PLCH2: variants seen among roughly 807,000 people sequenced by gnomAD.
PLCH2 encodes phospholipase C eta 2, also known as 1-phosphatidylinositol 4,5-bisphosphate phosphodiesterase eta-2.
A neutral mutation model predicts 134.7 loss-of-function variants in PLCH2; 98 were observed. The observed-to-expected ratio is 0.73, with a 90% CI of 0.62 to 0.86. The LOEUF is 0.86. Among genes scored for constraint, PLCH2 ranks in the 40% least tolerant of loss-of-function variants. PLCH2 has a pLI of 0.00. For missense variants in PLCH2, 1,994 were observed against 1,986.6 expected, an observed-to-expected ratio of 1.00 and a Z score of -0.07; for synonymous variants, 974 against 827.5, an observed-to-expected ratio of 1.18 and a Z score of -3.04.
chr1:2,499,160 C>T lies in PLCH2; in HGVS notation c.2511C>T (p.Val837=). The change falls in exon 19 of 22, where the codon GTC becomes GTT. Residue 837 remains valine, a synonymous_variant. Transcript: ENST00000378486. Reference sequence around the variant, plus strand: ...AGATCGCGCTGGTCCGCTTCCTCGTCTGGGACCACGATCCCATCGGGCGTG... The same window carrying T: ...AGATCGCGCTGGTCCGCTTCCTCGTTTGGGACCACGATCCCATCGGGCGTG... ...MPEIALVRFL[V]WDHDPIGRDF... is the part of the protein sequence containing the mutation. 6.2e-7 allele frequency: 1 copy of T among 1,613,182 alleles called. No homozygotes were observed. The highest frequency in any genetic ancestry group is 8.5e-7 in the Non-Finnish European group (1 of 1,179,762).
intron 2 of PLCH2, among the ~76,000 whole-genome samples, chr1:2,432,121 C>T (rs140901307): frequency 1.8e-3 from 277 of 152,314 alleles, no homozygotes; most frequent in Middle Eastern, 0.017. Context: ...CTGGGACTCA[C>T]GGCCATGGCT....
At position 2,436,658 on chromosome 1, in the gene PLCH2, G is replaced by C. The variant is rs551980950; in HGVS notation, c.115+6029G>C. Among the ~76,000 whole-genome samples the C allele has an allele frequency of 2.0e-5, 3 of 152,294 alleles. No homozygotes were observed. In the South Asian group the frequency reaches 6.2e-4, roughly 32 times the overall value. ...CCGTCACCTGTGGCTCTGTCTCCTGGGAGGCCTGGAGAGGCAGGGGTGGGT... is the reference window on the plus strand; with the variant it reads ...CCGTCACCTGTGGCTCTGTCTCCTGCGAGGCCTGGAGAGGCAGGGGTGGGT... On this transcript the variant is annotated intron_variant, in intron 2 of 3. Coordinates refer to the PLCH2 transcript ENST00000609981.
chr1:2,420,776 T>C, the PLCH2 span, among the ~76,000 whole-genome samples: 3 of 152,162 alleles, frequency 2.0e-5, no homozygotes, highest in Non-Finnish European at 4.4e-5. Context: ...GAGTGAGTGA[T>C]CGATCGATTC....
At chr1:2,501,191 A>AG (rs1300602609) in intron 20 of PLCH2, 2 of 151,882 alleles carry the variant, frequency 1.3e-5, no homozygotes, top group Non-Finnish European at 1.5e-5. Flanking sequence ...GCGCCCCTGC[A>AG]GGGGGGTGAC....
At chr1:2,489,991 A>T in intron 10 of PLCH2, 124 bp downstream of exon 10, 1 of 737,832 alleles carries the variant, frequency 1.4e-6, no homozygotes, top group South Asian at 1.6e-5. Context: ...ATTGGGGCAG[A>T]TTCGCACAGC....
rs1472765316 is a variant in PLCH2 at position 2,497,547 on chromosome 1, G to A, written c.2162G>A (p.Arg721Gln). 5.1e-6 allele frequency: 8 copies of A among 1,563,110 alleles called. No individual in the cohort carries two copies. The highest frequency in any genetic ancestry group is 6.9e-6 in the Non-Finnish European group (8 of 1,154,298). The change falls in exon 16 of 22, where the codon CGA becomes CAA. Residue 721 changes from arginine (R) to glutamine (Q), a missense_variant. Arg to Gln is a conservative substitution (Grantham distance 43). Coordinates refer to ENST00000378486, the MANE Select transcript of PLCH2 (RefSeq NM_014638.4). The stretch of plus-strand genomic sequence containing the variant: ...GAGGGGCGGATGCTGCAGCTGAACC[G>A]AGCCAAGTTCAGCGCCAACGGTGGC... ...QSEGRMLQLN[R>Q]AKFSANGGCG... is the part of the protein sequence containing the mutation.
In PLCH2 at chr1:2,495,392, G is replaced by T. The variant is rs1642826957; in HGVS notation, c.1753-96G>T. On this transcript the variant is annotated intron_variant, in intron 12 of 21. Transcript: ENST00000378486. ...ATGGGAGGCTGCGTGGGCCGCTGGG[G>T]ACCCCGGAGGATAGGCCCTCCCCAA... is the stretch of plus-strand genomic sequence containing the variant. The T allele has an allele frequency of 2.9e-6, 3 of 1,026,150 alleles. No individual in the cohort carries two copies. In the South Asian group the frequency reaches 4.5e-5, roughly 15 times the overall value. 63.6% of individuals were successfully genotyped at this position (1,026,150 alleles called of 1,614,324 possible). A position where few individuals can be genotyped will look rare whatever the true frequency, so the allele number is the denominator to read the frequency against.
intron 9 of PLCH2, 140 bp from the exon 10 acceptor site, chr1:2,489,620 C>A: frequency 1.3e-6 from 1 of 762,644 alleles, no homozygotes; most frequent in South Asian, 1.7e-5. Flanking sequence ...GCCAGTCTGG[C>A]CCCTGCCCCA....
chr1:2,494,180 A>C (rs556610534), intron 11 of PLCH2, among the ~76,000 whole-genome samples: 58 of 152,274 alleles, frequency 3.8e-4, no homozygotes, highest in African/African-American at 1.3e-3. Context: ...GAGGGGCTGC[A>C]GGGGTCAGGT....
At chr1:2,502,639 G>C in intron 21 of PLCH2, 1 of 679,724 alleles carries the variant, frequency 1.5e-6, no homozygotes, top group Middle Eastern at 2.5e-4. Context: ...CTGACTCACT[G>C]GGGGCCCCCT....
chr1:2,490,721 C>T (rs1181633313), intron 10 of PLCH2, among the ~76,000 whole-genome samples: 1 of 152,254 alleles, frequency 6.6e-6, no homozygotes, highest in Non-Finnish European at 1.5e-5. Context: ...TGGCTTTGTG[C>T]CCACTCCAAC....
chr1:2,422,140 G>C (rs1480821926), upstream of PLCH2, among the ~76,000 whole-genome samples: 1 of 151,860 alleles, frequency 6.6e-6, no homozygotes, highest in Admixed American at 6.6e-5. Flanking sequence ...ATGGTGGCAG[G>C]TGCCTGTAAT....
intron 1 of PLCH2, among the ~76,000 whole-genome samples, chr1:2,470,447 G>A (rs1641270098): frequency 6.6e-6 from 1 of 152,226 alleles, no homozygotes; most frequent in Non-Finnish European, 1.5e-5. Flanking sequence ...AGCTCAGAGG[G>A]CCAGCTCCAT....
upstream of PLCH2, among the ~76,000 whole-genome samples, chr1:2,425,161 T>G (rs1570184820): frequency 8.6e-6 from 1 of 116,566 alleles, no homozygotes; most frequent in African/African-American, 3.5e-5. Flanking sequence ...TGACACTCCG[T>G]CTCAAAAAAA....
rs1353415667 is a variant in PLCH2 at position 2,476,483 on chromosome 1, C to T, written c.-106C>T. ...GGAGGAAGAGGCAGAGGAGAGAAGG[C>T]CCCACGGAGGTCCTGTCGCCAGCGC... On this transcript the variant is annotated 5_prime_UTR_variant, in exon 1 of 22. Transcript: ENST00000378486. The T allele has an allele frequency of 2.8e-6, 3 of 1,081,714 alleles. No homozygotes were observed. Among genetic ancestry groups the T allele is most frequent in the South Asian group, 1.7e-5 (1 of 58,734 alleles). 67.0% of individuals were successfully genotyped at this position (1,081,714 alleles called of 1,614,324 possible). A position where few individuals can be genotyped will look rare whatever the true frequency, so the allele number is the denominator to read the frequency against.
upstream of PLCH2, among the ~76,000 whole-genome samples, chr1:2,424,458 G>T (rs561775803): frequency 6.6e-6 from 1 of 152,330 alleles, no homozygotes; most frequent in South Asian, 2.1e-4. Context: ...ATATAAGTGA[G>T]AAGATGTGGT....
chr1:2,456,389 C>A (rs12734526), intron 2 of PLCH2, among the ~76,000 whole-genome samples: 1 of 152,098 alleles, frequency 6.6e-6, no homozygotes, highest in African/African-American at 2.4e-5. Context: ...CCCTGGGGGG[C>A]GGGTGGCGCT....
chr1:2,467,387 C>T, upstream of PLCH2: 1 of 383,614 alleles, frequency 2.6e-6, no homozygotes, highest in East Asian at 3.7e-5. Flanking sequence ...GTTAAGTGGG[C>T]GGGGCTCCCA....
upstream of PLCH2, among the ~76,000 whole-genome samples, chr1:2,472,678 C>T (rs770702454): frequency 1.4e-4 from 22 of 152,124 alleles, no homozygotes; most frequent in Admixed American, 4.6e-4. Flanking sequence ...GAGGGAGACA[C>T]GGGTGGGCCC....
Sources: allele counts gnomAD v4.1 joint callset (sites outside exome capture counted in the v4.1 genomes callset), GRCh38; gene constraint gnomAD v4.1.1; transcripts MANE v1.5; gene names NCBI Gene and HGNC (gene_info 2026-07-23, HGNC 2026-07-21).